Variants in AGBL2 observed in about 807,000 individuals in gnomAD.
AGBL2 encodes the protein AGBL carboxypeptidase 2.
In AGBL2, 87 loss-of-function variants were observed where a neutral mutation model predicts 103.0. The ratio of observed to expected loss-of-function variants is 0.84; its 90% CI spans 0.71 to 1.01. The LOEUF is 1.01. Ranked by LOEUF, AGBL2 falls within the 50% of genes least tolerant of loss-of-function variation. The pLI is 0.00. For missense variants in AGBL2, 904 were observed against 1,023.5 expected, an observed-to-expected ratio of 0.88 and a Z score of 1.59; for synonymous variants, 335 against 356.7, an observed-to-expected ratio of 0.94 and a Z score of 0.69.
chr11:47,702,866 T>C (rs945418426), intron 7 of AGBL2, among the ~76,000 whole-genome samples: 4 of 151,400 alleles, frequency 2.6e-5, no homozygotes, highest in Admixed American at 6.6e-5. Flanking sequence ...AGAGCAAGAC[T>C]CCGTCTCAGA....
intron 10 of AGBL2, among the ~76,000 whole-genome samples, chr11:47,689,405 A>T (rs1017539720): frequency 6.6e-6 from 1 of 150,814 alleles, no homozygotes; most frequent in African/African-American, 2.4e-5. Flanking sequence ...CTTTGGTTCA[A>T]GCGATTCTCC....
At chr11:47,662,061 T>C (rs1168119682) in intron 18 of AGBL2, among the ~76,000 whole-genome samples, 2 of 152,060 alleles carry the variant, frequency 1.3e-5, no homozygotes, top group East Asian at 3.9e-4. Context: ...ACCACCTCTT[T>C]TTTCCTCCCT....
Position 47,692,250 on chromosome 11 carries a change from A to G in AGBL2, c.701T>C (p.Ile234Thr), listed in dbSNP as rs1801722576. 1.2e-6 allele frequency: 2 copies of G among 1,613,466 alleles called. No homozygotes were observed. The highest frequency in any genetic ancestry group is 1.1e-5 in the South Asian group (1 of 91,062). ...TVVYQLDSVP[I>T]EGSYFTSSRV... ...GGAACTGGTAAAATAGGAACCTTCT[A>G]TAGGCACTGCAGAGAAAAGATATAT... Residue 234 changes from isoleucine to threonine, a missense_variant, in exon 9 of 19, where the codon ATA becomes ACA. Physicochemically the swap from Ile to Thr is moderately conservative, Grantham distance 89 (BLOSUM62 -1). Coordinates refer to ENST00000525123, the MANE Select transcript of AGBL2 (RefSeq NM_024783.4).
chr11:47,669,996 C>A (rs1051140114), intron 14 of AGBL2, among the ~76,000 whole-genome samples: 3 of 152,242 alleles, frequency 2.0e-5, no homozygotes, highest in African/African-American at 4.8e-5. Flanking sequence ...GCACAGGGAA[C>A]ACAGATGAAC....
chr11:47,680,097 A>C, intron 12 of AGBL2, 24 bp from the exon 13 acceptor site: 1 of 1,340,052 alleles, frequency 7.5e-7, no homozygotes, highest in South Asian at 1.2e-5. Flanking sequence ...AAACCCCGCA[A>C]ACATTTCCAA....
intron 4 of AGBL2, 104 bp from the exon 5 acceptor site, chr11:47,706,021 C>A (rs926676633): frequency 4.6e-6 from 4 of 861,970 alleles, no homozygotes; most frequent in Non-Finnish European, 7.8e-6. Context: ...CACTCTGGAC[C>A]CCTGCATTTC....
chr11:47,673,624 T>C (rs2097364160), intron 14 of AGBL2, among the ~76,000 whole-genome samples: 1 of 145,830 alleles, frequency 6.9e-6, no homozygotes, highest in African/African-American at 2.6e-5. Flanking sequence ...AAATTCTGTC[T>C]CAAAAAGAAA....
At chr11:47,704,173 C>T (rs1234843828) in intron 7 of AGBL2, among the ~76,000 whole-genome samples, 1 of 151,892 alleles carries the variant, frequency 6.6e-6, no homozygotes, top group Non-Finnish European at 1.5e-5. Context: ...TTAACATTCT[C>T]AGATCTTGTA....
At chr11:47,661,129 C>T (rs1247762986) in intron 18 of AGBL2, among the ~76,000 whole-genome samples, 1 of 151,900 alleles carries the variant, frequency 6.6e-6, no homozygotes, top group Non-Finnish European at 1.5e-5. Context: ...TGCCACTGCA[C>T]TCCAGCCTGG....
chr11:47,687,780 T>G (rs936961749), intron 10 of AGBL2, among the ~76,000 whole-genome samples: 2 of 151,788 alleles, frequency 1.3e-5, no homozygotes, highest in African/African-American at 4.8e-5. Context: ...AAGGTATTTC[T>G]TTCTTTCTTT....
chr11:47,666,439 T>C (rs1309762529), intron 17 of AGBL2, among the ~76,000 whole-genome samples: 1 of 150,804 alleles, frequency 6.6e-6, no homozygotes, highest in African/African-American at 2.4e-5. Context: ...GCCATAAAAC[T>C]ATAAAGTACT....
chr11:47,688,811 T>C (rs573346322), intron 10 of AGBL2, among the ~76,000 whole-genome samples: 5 of 152,162 alleles, frequency 3.3e-5, no homozygotes, highest in Admixed American at 2.0e-4. Flanking sequence ...TCTCAGCTCA[T>C]TGCAACCTCT....
chr11:47,691,729 A>AAAAAAT lies in AGBL2; in HGVS notation c.848+373_848+374insATTTTT. ...TCTCAAGAAAAAAAAAAAAAAAAAA[A>AAAAAAT]ATATATATATATATATATATATATA... On this transcript the variant is annotated intron_variant, in intron 9 of 18. Transcript: ENST00000525123. Among the ~76,000 whole-genome samples the AAAAAAT allele has an allele frequency of 2.9e-3, 14 of 4,860 alleles. 1 individual carries two copies. Among genetic ancestry groups the AAAAAAT allele is most frequent in the African/African-American group, 3.6e-3 (5 of 1,392 alleles). 3.2% of individuals were successfully genotyped at this position (4,860 alleles called of 152,430 possible).
At chr11:47,692,513 G>A (rs967651521) in intron 8 of AGBL2, among the ~76,000 whole-genome samples, 2 of 139,420 alleles carry the variant, frequency 1.4e-5, no homozygotes, top group East Asian at 4.4e-4. Context: ...CCAGGTTCAT[G>A]CCATTGTCCT....
At chr11:47,708,366 C>G (rs1267782609) in intron 4 of AGBL2, among the ~76,000 whole-genome samples, 2 of 151,412 alleles carry the variant, frequency 1.3e-5, no homozygotes, top group African/African-American at 2.4e-5. Flanking sequence ...CTGTGCCCAG[C>G]CCAATCATCT....
chr11:47,666,624 C>G, intron 17 of AGBL2: 1 of 541,196 alleles, frequency 1.8e-6, no homozygotes, highest in Non-Finnish European at 3.2e-6. Flanking sequence ...GTAGTAGGTG[C>G]CCAATAAAAT....
intron 4 of AGBL2, among the ~76,000 whole-genome samples, chr11:47,707,403 C>A (rs1267925211): frequency 1.3e-5 from 2 of 152,160 alleles, no homozygotes; most frequent in Non-Finnish European, 2.9e-5. Flanking sequence ...GGAGGCCTCA[C>A]AATCATGGCA....
intron 17 of AGBL2, 24 bp downstream of exon 17, chr11:47,666,930 CAA>C (rs1170945044): frequency 1.4e-6 from 2 of 1,425,232 alleles, no homozygotes. Flanking sequence ...ATCTGTGTGA[CAA>C]AGAGTCAAAA....
At chr11:47,697,745 T>C (rs1337034641) in intron 8 of AGBL2, among the ~76,000 whole-genome samples, 1 of 149,002 alleles carries the variant, frequency 6.7e-6, no homozygotes, top group African/African-American at 2.5e-5. Context: ...ACGGAGTTTT[T>C]CCGTGTTAGC....
Sources: allele counts gnomAD v4.1 joint callset (sites outside exome capture counted in the v4.1 genomes callset), GRCh38; gene constraint gnomAD v4.1.1; transcripts MANE v1.5; gene names NCBI Gene and HGNC (gene_info 2026-07-23, HGNC 2026-07-21).